The following SCFD2 variants were observed in gnomAD, a reference collection of about 807,000 sequenced individuals.
SCFD2 encodes the protein sec1 family domain-containing protein 2.
A neutral mutation model predicts 58.9 loss-of-function variants in SCFD2; 54 were observed. The observed-to-expected ratio is 0.92, with a 90% CI of 0.74 to 1.15. The LOEUF is 1.15. Ranked by LOEUF, SCFD2 falls within the 50% of genes most tolerant of loss-of-function variation. The pLI is 0.00. For synonymous variants in SCFD2, 321 were observed against 335.9 expected (o/e 0.96, Z 0.49); for missense variants, 805 against 836.6 (o/e 0.96, Z 0.47).
intron 4 of SCFD2, among the ~76,000 whole-genome samples, chr4:53,174,536 T>C (rs1727271573): frequency 1.3e-5 from 2 of 152,200 alleles, no homozygotes; most frequent in South Asian, 4.1e-4. Context: ...ATAAATAATA[T>C]CCCAAAATGT....
chr4:53,035,199 A>C (rs375254088), intron 5 of SCFD2, among the ~76,000 whole-genome samples: 2 of 152,340 alleles, frequency 1.3e-5, no homozygotes, highest in African/African-American at 2.4e-5. Flanking sequence ...TCTTTGACAA[A>C]CCTGACACAA....
chr4:53,364,583 A>G (rs1157626613), intron 1 of SCFD2, among the ~76,000 whole-genome samples: 1 of 151,352 alleles, frequency 6.6e-6, no homozygotes, highest in Non-Finnish European at 1.5e-5. Flanking sequence ...CTACAATTCT[A>G]TTTCATCTCA....
chr4:52,991,159 G>A (rs1560503652), intron 5 of SCFD2, among the ~76,000 whole-genome samples: 1 of 152,154 alleles, frequency 6.6e-6, no homozygotes, highest in Non-Finnish European at 1.5e-5. Flanking sequence ...GGTGAGACAT[G>A]GGAGATAGAT....
At chr4:53,046,506 C>T (rs9312635) in intron 5 of SCFD2, among the ~76,000 whole-genome samples, 28,771 of 151,914 alleles carry the variant, frequency 0.19, 4,680 homozygotes, top group African/African-American at 0.45. Flanking sequence ...TGAGCCACTG[C>T]GCCTGACCTA....
At chr4:53,183,255 A>G (rs1052581814) in intron 4 of SCFD2, among the ~76,000 whole-genome samples, 1 of 152,354 alleles carries the variant, frequency 6.6e-6, no homozygotes, top group African/African-American at 2.4e-5. Flanking sequence ...ACCAACCTAA[A>G]TGTCCAACAA....
At chr4:52,921,046 C>T (rs1018553000) in intron 5 of SCFD2, among the ~76,000 whole-genome samples, 176 bp from the exon 6 acceptor site, 2 of 151,446 alleles carry the variant, frequency 1.3e-5, no homozygotes, top group Non-Finnish European at 2.9e-5. Context: ...CTGTTTCAAT[C>T]GTCCATGAGC....
At chr4:53,325,351 C>G (rs1054346265) in intron 2 of SCFD2, among the ~76,000 whole-genome samples, 7 of 151,876 alleles carry the variant, frequency 4.6e-5, no homozygotes, top group Middle Eastern at 3.4e-3. Flanking sequence ...CATGACCCAC[C>G]AAAACATAAA....
At chr4:52,985,192 G>T (rs1407550814) in intron 5 of SCFD2, among the ~76,000 whole-genome samples, 1 of 152,102 alleles carries the variant, frequency 6.6e-6, no homozygotes, top group African/African-American at 2.4e-5. Flanking sequence ...CTGCTCCTTC[G>T]CAGTAAGGGT....
chr4:53,136,917 G>C (rs750545828), intron 5 of SCFD2, among the ~76,000 whole-genome samples: 1 of 152,150 alleles, frequency 6.6e-6, no homozygotes, highest in Non-Finnish European at 1.5e-5. Flanking sequence ...GCACAGAATA[G>C]ATCATTATTT....
rs377452186 is a variant in SCFD2, at chr4:53,202,168, G to T, written c.1312-56586C>A. ...GTTTTTATGGTTTTAGGTCTAACAT[G>T]TAAGTCTTTAATCCATCTTGAATTA... On this transcript the variant is annotated intron_variant, in intron 4 of 8. Transcript: ENST00000401642. 7.0e-4 allele frequency among the ~76,000 whole-genome samples: 107 copies of T among 151,974 alleles called. 1 individual carries two copies. Among genetic ancestry groups the T allele is most frequent in the African/African-American group, 2.2e-3 (93 of 41,476 alleles).
At chr4:53,135,014 C>A (rs74531018) in intron 5 of SCFD2, among the ~76,000 whole-genome samples, 10,359 of 151,608 alleles carry the variant, frequency 0.068, 383 homozygotes, top group Middle Eastern at 0.14. Flanking sequence ...GAAAAAAAAA[C>A]CAAAAAACTA....
At chr4:53,132,355 T>C (rs1258255756) in intron 5 of SCFD2, among the ~76,000 whole-genome samples, 4 of 152,052 alleles carry the variant, frequency 2.6e-5, no homozygotes, top group African/African-American at 9.7e-5. Context: ...TCGTCAGAGT[T>C]TCCAGCAGAA....
chr4:53,031,621 G>A (rs141946995), intron 5 of SCFD2, among the ~76,000 whole-genome samples: 1,928 of 152,230 alleles, frequency 0.013, 40 homozygotes, highest in African/African-American at 0.044. Flanking sequence ...AACACAGCAC[G>A]AGAACTTCAT....
At chr4:53,014,049 G>A (rs1295041795) in intron 5 of SCFD2, among the ~76,000 whole-genome samples, 2 of 152,230 alleles carry the variant, frequency 1.3e-5, no homozygotes, top group African/African-American at 4.8e-5. Flanking sequence ...TGCTGAGCAT[G>A]TGTTGGGTCC....
At chr4:53,040,336 A>T (rs1458154983) in intron 5 of SCFD2, among the ~76,000 whole-genome samples, 1 of 152,212 alleles carries the variant, frequency 6.6e-6, no homozygotes, top group Admixed American at 6.6e-5. Flanking sequence ...TTAACAAAGT[A>T]TTTATGAATG....
chr4:52,922,921 G>C (rs1348668619), intron 5 of SCFD2, among the ~76,000 whole-genome samples: 4 of 152,188 alleles, frequency 2.6e-5, no homozygotes, highest in African/African-American at 9.7e-5. Flanking sequence ...GTAAAGTGAG[G>C]ATACACGTGT....
chr4:53,251,718 T>C (rs1324375942), intron 4 of SCFD2, among the ~76,000 whole-genome samples: 1 of 152,018 alleles, frequency 6.6e-6, no homozygotes, highest in Non-Finnish European at 1.5e-5. Flanking sequence ...AAATTAGGTA[T>C]TGATGGGACG....
At chr4:53,293,717 T>C (rs1731922801) in intron 3 of SCFD2, among the ~76,000 whole-genome samples, 1 of 152,180 alleles carries the variant, frequency 6.6e-6, no homozygotes, top group African/African-American at 2.4e-5. Flanking sequence ...ATCTGGTATA[T>C]GGCAGGAATG....
At chr4:53,203,738 G>A (rs1366056543) in intron 4 of SCFD2, among the ~76,000 whole-genome samples, 1 of 152,054 alleles carries the variant, frequency 6.6e-6, no homozygotes, top group East Asian at 1.9e-4. Context: ...AAAGGCTCAG[G>A]AAATGGCAGC....
Sources: gnomAD v4.1 joint callset for allele counts (sites outside exome capture counted in the v4.1 genomes callset) on GRCh38, gnomAD v4.1.1 for gene constraint, MANE v1.5 for transcripts, NCBI Gene and HGNC (gene_info 2026-07-23, HGNC 2026-07-21) for gene names.